PCDH9: variants seen among roughly 807,000 people sequenced by gnomAD.
The protein encoded by PCDH9 is protocadherin 9.
Under a neutral mutation model 70.6 loss-of-function variants are expected in PCDH9, and 24 were observed. That is an observed-to-expected ratio of 0.34 (90% CI 0.25 to 0.48). The LOEUF (loss-of-function observed/expected upper bound fraction) is 0.48. PCDH9 is among the 20% of genes least tolerant of loss of function. PCDH9 has a pLI of 0.99. For missense variants in PCDH9, 1,281 were observed against 1,503.6 expected, an observed-to-expected ratio of 0.85 and a Z score of 2.45; for synonymous variants, 562 against 558.5, an observed-to-expected ratio of 1.01 and a Z score of -0.09.
At chr13:66,796,624 G>T (rs2080245665) in intron 3 of PCDH9, among the ~76,000 whole-genome samples, 1 of 121,422 alleles carries the variant, frequency 8.2e-6, no homozygotes, top group Admixed American at 9.9e-5. Flanking sequence ...GAGATTTTTA[G>T]TAATATGCAG....
At chr13:66,449,273 T>C (rs550871769) in intron 4 of PCDH9, among the ~76,000 whole-genome samples, 1 of 152,200 alleles carries the variant, frequency 6.6e-6, no homozygotes, top group Non-Finnish European at 1.5e-5. Flanking sequence ...AGAGTGAAAC[T>C]GAATATCATT....
At chr13:66,940,686 AAC>A in intron 2 of PCDH9, among the ~76,000 whole-genome samples, 1 of 152,018 alleles carries the variant, frequency 6.6e-6, no homozygotes, top group African/African-American at 2.4e-5. Context: ...TTTTTTGTCA[AAC>A]AGATTGGTCA....
At chr13:66,405,850 A>G (rs1389402432) in intron 4 of PCDH9, among the ~76,000 whole-genome samples, 1 of 152,164 alleles carries the variant, frequency 6.6e-6, no homozygotes, top group East Asian at 1.9e-4. Context: ...GTTAATCTAG[A>G]GTAATGATTA....
chr13:66,764,327 G>A (rs929999780), intron 3 of PCDH9, among the ~76,000 whole-genome samples: 4 of 151,160 alleles, frequency 2.6e-5, no homozygotes, highest in Admixed American at 6.6e-5. Flanking sequence ...GTTAAACAAA[G>A]TTCAGTTAAA....
intron 4 of PCDH9, among the ~76,000 whole-genome samples, chr13:66,500,743 C>T (rs2324913): frequency 0.087 from 13,194 of 152,034 alleles, 848 homozygotes; most frequent in Admixed American, 0.18. Flanking sequence ...TCTTGCTTTT[C>T]CTATATGTTT....
chr13:67,015,526 T>A (rs2084544090), intron 2 of PCDH9, among the ~76,000 whole-genome samples: 1 of 152,136 alleles, frequency 6.6e-6, no homozygotes, highest in African/African-American at 2.4e-5. Context: ...ATCTTTATCA[T>A]TTGTAAATCA....
chr13:66,955,587 G>T (rs906190186), intron 2 of PCDH9, among the ~76,000 whole-genome samples: 10 of 152,118 alleles, frequency 6.6e-5, no homozygotes, highest in Admixed American at 2.6e-4. Context: ...TTCCAAACAT[G>T]AATCAGTTTT....
chr13:66,641,464 C>T (rs748836215), intron 3 of PCDH9, among the ~76,000 whole-genome samples: 4 of 152,156 alleles, frequency 2.6e-5, no homozygotes, highest in Non-Finnish European at 5.9e-5. Flanking sequence ...TAATTACACT[C>T]GCAGTGTATG....
chr13:66,446,641 G>T (rs1216537540), intron 4 of PCDH9, among the ~76,000 whole-genome samples: 1 of 151,982 alleles, frequency 6.6e-6, no homozygotes, highest in Non-Finnish European at 1.5e-5. Flanking sequence ...ATTCCATTTT[G>T]ATTCCCTTGG....
intron 3 of PCDH9, among the ~76,000 whole-genome samples, chr13:66,642,574 G>A (rs184091041): frequency 7.7e-4 from 117 of 152,050 alleles, no homozygotes; most frequent in African/African-American, 2.7e-3. Context: ...TTATGGTTTT[G>A]AATTGTTTTG....
intron 3 of PCDH9, among the ~76,000 whole-genome samples, chr13:66,632,755 T>G (rs2077587974): frequency 6.6e-6 from 1 of 152,106 alleles, no homozygotes; most frequent in Non-Finnish European, 1.5e-5. Flanking sequence ...TTTGCGCTAT[T>G]TGAATAAACC....
intron 4 of PCDH9, among the ~76,000 whole-genome samples, chr13:66,593,893 A>C (rs1315531221): frequency 6.6e-6 from 1 of 151,526 alleles, no homozygotes; most frequent in Non-Finnish European, 1.5e-5. Context: ...GATAGTACTC[A>C]TCAGAATTTG....
chr13:66,798,367 A>G (rs1324418612), intron 3 of PCDH9, among the ~76,000 whole-genome samples: 4 of 152,138 alleles, frequency 2.6e-5, no homozygotes, highest in Non-Finnish European at 4.4e-5. Flanking sequence ...CCCTAATCCC[A>G]TCTTCTCTTC....
In PCDH9 at chr13:66,674,761, A is replaced by C. The variant is rs186795813; in HGVS notation, c.3139-43350T>G. 2.3e-3 allele frequency among the ~76,000 whole-genome samples: 355 copies of C among 152,204 alleles called. 2 individuals carry two copies. Among genetic ancestry groups the C allele is most frequent in the African/African-American group, 8.3e-3 (344 of 41,568 alleles). ...TCTTTAATGTAATTCAGTTTCATCT[A>C]ATTAGTATTCATTTGATTTCTCTAA... On this transcript the variant is annotated intron_variant, in intron 3 of 4. Transcript: ENST00000377865.
intron 4 of PCDH9, among the ~76,000 whole-genome samples, chr13:66,337,923 G>C (rs1025604576): frequency 4.6e-5 from 7 of 152,010 alleles, no homozygotes; most frequent in Non-Finnish European, 7.4e-5. Flanking sequence ...CAACAGTGTT[G>C]AATAACATAC....
intron 4 of PCDH9, among the ~76,000 whole-genome samples, chr13:66,407,691 T>C (rs964147287): frequency 6.6e-6 from 1 of 152,206 alleles, no homozygotes; most frequent in Non-Finnish European, 1.5e-5. Context: ...TTACCACTAA[T>C]TTTTAACACG....
chr13:66,971,316 C>T (rs1031825987), intron 2 of PCDH9, among the ~76,000 whole-genome samples: 12 of 152,018 alleles, frequency 7.9e-5, no homozygotes, highest in Admixed American at 6.6e-5. Context: ...ATTATGCAAA[C>T]AGCAGTCCAT....
intron 3 of PCDH9, among the ~76,000 whole-genome samples, chr13:66,768,195 T>C (rs1237247390): frequency 6.6e-6 from 1 of 152,088 alleles, no homozygotes; most frequent in Non-Finnish European, 1.5e-5. Flanking sequence ...AATATAGCTG[T>C]CCATTAAATG....
At chr13:66,812,727 A>G (rs2080531544) in intron 3 of PCDH9, among the ~76,000 whole-genome samples, 1 of 152,216 alleles carries the variant, frequency 6.6e-6, no homozygotes, top group Non-Finnish European at 1.5e-5. Flanking sequence ...TGACCAAGTG[A>G]CCACAGTGTA....
Sources: allele counts gnomAD v4.1 joint callset (sites outside exome capture counted in the v4.1 genomes callset), GRCh38; gene constraint gnomAD v4.1.1; transcripts MANE v1.5; gene names NCBI Gene and HGNC (gene_info 2026-07-23, HGNC 2026-07-21).